Variants in RYR3 observed in about 807,000 individuals in gnomAD.
RYR3 encodes the protein ryanodine receptor 3, also known as brain ryanodine receptor-calcium release channel.
In RYR3, 207 loss-of-function variants were observed where a neutral mutation model predicts 584.3. The observed-to-expected ratio is 0.35, with a 90% CI of 0.32 to 0.40. RYR3 has a LOEUF of 0.40. RYR3 is among the 10% of genes least tolerant of loss of function. The pLI, the probability that RYR3 is intolerant of heterozygous loss-of-function variation, is 1.00. For missense variants in RYR3, 5,616 were observed against 6,089.2 expected, an observed-to-expected ratio of 0.92 and a Z score of 2.59; for synonymous variants, 2,416 against 2,248.5, an observed-to-expected ratio of 1.07 and a Z score of -2.11.
chr15:33,638,498 A>G (rs867864986), intron 27 of RYR3, among the ~76,000 whole-genome samples: 2 of 152,302 alleles, frequency 1.3e-5, no homozygotes, highest in Non-Finnish European at 2.9e-5. Flanking sequence ...TGAGAATCTC[A>G]TATGTTGTGC....
At chr15:33,366,314 G>A (rs1595867023) in intron 1 of RYR3, among the ~76,000 whole-genome samples, 2 of 152,018 alleles carry the variant, frequency 1.3e-5, no homozygotes, top group Admixed American at 1.3e-4. Flanking sequence ...TCTGTTCAAC[G>A]GTTTCATCAG....
At chr15:33,839,720 G>A (rs112183514) in intron 89 of RYR3, 1 of 152,254 alleles carries the variant, frequency 6.6e-6, no homozygotes, top group Admixed American at 6.5e-5. Context: ...CTACAGCTTA[G>A]TGGAGAATAA....
intron 11 of RYR3, among the ~76,000 whole-genome samples, chr15:33,564,123 G>A (rs1165258769): frequency 6.6e-6 from 1 of 152,134 alleles, no homozygotes; most frequent in African/African-American, 2.4e-5. Flanking sequence ...CTAGGGCATG[G>A]GATCTTGCAT....
chr15:33,833,037 G>A (rs115738894), intron 86 of RYR3, among the ~76,000 whole-genome samples: 18 of 150,532 alleles, frequency 1.2e-4, no homozygotes, highest in African/African-American at 2.9e-4. Flanking sequence ...AAAGGGCTCC[G>A]AGTCTCCATA....
intron 75 of RYR3, among the ~76,000 whole-genome samples, chr15:33,817,251 T>C: frequency 6.6e-6 from 1 of 152,180 alleles, no homozygotes; most frequent in East Asian, 1.9e-4. Flanking sequence ...AGTGAAGTTT[T>C]GAGCACCACT....
At chr15:33,532,516 T>C (rs2054969859) in intron 4 of RYR3, among the ~76,000 whole-genome samples, 3 of 152,204 alleles carry the variant, frequency 2.0e-5, no homozygotes, top group Admixed American at 6.5e-5. Flanking sequence ...GGTTAACTTA[T>C]AATTGTACTA....
At chr15:33,742,578 G>A in intron 52 of RYR3, 134 bp downstream of exon 52, 1 of 648,830 alleles carries the variant, frequency 1.5e-6, no homozygotes. Flanking sequence ...CATTATTTCT[G>A]AGCAGCAATT....
chr15:33,537,536 A>AAT (rs1013027925), intron 5 of RYR3, among the ~76,000 whole-genome samples: 4 of 37,866 alleles, frequency 1.1e-4, no homozygotes, highest in African/African-American at 4.2e-4. Flanking sequence ...CTATATTGGA[A>AAT]ATTTTTTTTC....
Position 33,865,419 on chromosome 15 carries a change from G to C in RYR3, c.*193G>C, listed in dbSNP as rs1231949880. ...TGCCTAATGGACATACACTGTGGGA[G>C]AGAACCTGTCAAAATGTCGAAGAAG... is the stretch of plus-strand genomic sequence containing the variant. On this transcript the variant is annotated 3_prime_UTR_variant, in exon 104 of 104. Coordinates refer to ENST00000634891, the MANE Select transcript of RYR3 (RefSeq NM_001036.6). 9.5e-6 allele frequency: 5 copies of C among 528,212 alleles called. No homozygotes were observed. The highest frequency in any genetic ancestry group is 8.9e-5 in the East Asian group (3 of 33,732). 32.7% of individuals were successfully genotyped at this position (528,212 alleles called of 1,614,324 possible). A position where few individuals can be genotyped will look rare whatever the true frequency, so the allele number is the denominator to read the frequency against.
At chr15:33,820,422 TG>T (rs1348408510) in intron 77 of RYR3, among the ~76,000 whole-genome samples, 1 of 152,208 alleles carries the variant, frequency 6.6e-6, no homozygotes, top group East Asian at 1.9e-4. Context: ...ATCTAGGAAG[TG>T]GCAGCTCCCT....
At position 33,800,874 on chromosome 15, in the gene RYR3, G is replaced by T. The variant is rs200822329; in HGVS notation, c.9918+17G>T. 4 of 1,572,344 alleles carry T rather than the reference G, an allele frequency of 2.5e-6. No individual in the cohort carries two copies. Among genetic ancestry groups the T allele is most frequent in the Non-Finnish European group, 3.5e-6 (4 of 1,141,974 alleles). ...AAATCTCATGTAAGAACACATTTGG[G>T]CCCTGGGTTTAGAATGGTTGTGAAA... On this transcript the variant is annotated intron_variant, in intron 68 of 103. Coordinates refer to ENST00000634891, the MANE Select transcript of RYR3 (RefSeq NM_001036.6).
At chr15:33,834,882 TA>T in intron 86 of RYR3, 85 bp from the exon 87 acceptor site, 1 of 895,790 alleles carries the variant, frequency 1.1e-6, no homozygotes, top group Non-Finnish European at 1.8e-6. Context: ...TCTGCTCATA[TA>T]AGTAGGTATC....
chr15:33,355,578 T>G, intron 1 of RYR3, among the ~76,000 whole-genome samples: 1 of 152,218 alleles, frequency 6.6e-6, no homozygotes, highest in East Asian at 1.9e-4. Flanking sequence ...AAAGCCACGA[T>G]TTAATCTTTA....
At position 33,838,585 on chromosome 15, in the gene RYR3, T is replaced by C. The variant is rs758955993; in HGVS notation, c.12605T>C (p.Ile4202Thr). 1 of 1,613,990 alleles carries C rather than the reference T, an allele frequency of 6.2e-7. No individual in the cohort carries two copies. The highest frequency in any genetic ancestry group is 2.2e-5 in the East Asian group (1 of 44,882). ...FVGLFQLLFT[I>T]LGGIFQILWS... ...GGGCTATTCCAGTTGCTCTTCACCA[T>C]CCTGGGAGGAATCTTTCAGATCCTC... Residue 4202 changes from isoleucine to threonine, a missense_variant, in exon 89 of 104, where the codon ATC becomes ACC. Ile to Thr is a moderately conservative substitution (Grantham distance 89). Coordinates refer to ENST00000634891, the MANE Select transcript of RYR3 (RefSeq NM_001036.6).
chr15:33,478,110 G>A (rs1174817151), intron 2 of RYR3, among the ~76,000 whole-genome samples: 3 of 104,970 alleles, frequency 2.9e-5, no homozygotes, highest in South Asian at 2.3e-4. Flanking sequence ...GAGGGGGTTG[G>A]GGGGGGTGGT....
chr15:33,544,792 C>A (rs1444857474), intron 8 of RYR3, among the ~76,000 whole-genome samples: 1 of 152,156 alleles, frequency 6.6e-6, no homozygotes, highest in Non-Finnish European at 1.5e-5. Context: ...GTGCCTAGGA[C>A]ACATAAAGCA....
intron 69 of RYR3, among the ~76,000 whole-genome samples, chr15:33,805,751 A>G (rs957215666): frequency 1.5e-4 from 23 of 152,050 alleles, no homozygotes; most frequent in African/African-American, 4.8e-4. Context: ...TGCTGGGATT[A>G]CAGGCTTGAG....
chr15:33,581,276 G>C (rs905854375), intron 13 of RYR3, among the ~76,000 whole-genome samples: 4 of 152,140 alleles, frequency 2.6e-5, no homozygotes, highest in African/African-American at 9.7e-5. Context: ...ACCCGTCAGA[G>C]GAGGCTGCTG....
intron 69 of RYR3, among the ~76,000 whole-genome samples, chr15:33,805,713 A>G (rs8024054): frequency 0.049 from 7,355 of 150,336 alleles, 324 homozygotes; most frequent in East Asian, 0.25. Flanking sequence ...TCCTGACGTC[A>G]TGATCCGCCC....
Sources: gnomAD v4.1 joint callset for allele counts (sites outside exome capture counted in the v4.1 genomes callset) on GRCh38, gnomAD v4.1.1 for gene constraint, MANE v1.5 for transcripts, NCBI Gene and HGNC (gene_info 2026-07-23, HGNC 2026-07-21) for gene names.